The following TCTN2 variants were observed in gnomAD, a reference collection of about 807,000 sequenced individuals.
TCTN2 encodes tectonic family member 2, also known as tectonic-2.
TCTN2 carries 66 observed loss-of-function variants against 83.4 expected under a neutral mutation model. That is an observed-to-expected ratio of 0.79 (90% confidence interval 0.65 to 0.97). The LOEUF is 0.97. Ranked by LOEUF, TCTN2 falls within the 50% of genes least tolerant of loss-of-function variation. TCTN2 has a pLI of 0.00. For synonymous variants in TCTN2, 301 were observed against 326.7 expected (o/e 0.92, Z 0.85); for missense variants, 794 against 858.1 (o/e 0.93, Z 0.93).
chr12:123,671,702 C>T, intron 2 of TCTN2, 88 bp downstream of exon 2: 1 of 1,201,428 alleles, frequency 8.3e-7, no homozygotes, highest in Non-Finnish European at 1.2e-6. Flanking sequence ...TCCTTGGGGC[C>T]CCCTGCCTCT....
chr12:123,695,703 A>G (rs1956099433), intron 11 of TCTN2: 1 of 165,016 alleles, frequency 6.1e-6, no homozygotes. Flanking sequence ...TAGTAGAGAT[A>G]GGCTGTTGTT....
At chr12:123,702,156 C>CT (rs1593866125) in intron 14 of TCTN2, among the ~76,000 whole-genome samples, 1 of 152,254 alleles carries the variant, frequency 6.6e-6, no homozygotes, top group South Asian at 2.1e-4. Context: ...GAATGGAAAG[C>CT]TTTTTTTATT....
intron 14 of TCTN2, among the ~76,000 whole-genome samples, chr12:123,701,329 A>G (rs1282469586): frequency 6.6e-6 from 1 of 152,210 alleles, no homozygotes; most frequent in East Asian, 1.9e-4. Context: ...GAATCTGCTG[A>G]TAGTCACAGC....
At chr12:123,692,163 G>A (rs1477885422) in intron 8 of TCTN2, among the ~76,000 whole-genome samples, 3 of 151,836 alleles carry the variant, frequency 2.0e-5, no homozygotes, top group Admixed American at 2.0e-4. Context: ...CACCCACCTC[G>A]GCCTCCCAGA....
At chr12:123,675,780 CAG>C (rs1217743570) in intron 4 of TCTN2, among the ~76,000 whole-genome samples, 1 of 152,026 alleles carries the variant, frequency 6.6e-6, no homozygotes, top group East Asian at 1.9e-4. Context: ...AAAGGGCTGA[CAG>C]TGAGGAATTT....
chr12:123,679,538 A>G (rs1332746203), intron 5 of TCTN2, among the ~76,000 whole-genome samples: 2 of 150,204 alleles, frequency 1.3e-5, no homozygotes, highest in Non-Finnish European at 3.0e-5. Flanking sequence ...ATTGTTTTGT[A>G]TCTTTTGTAG....
intron 14 of TCTN2, among the ~76,000 whole-genome samples, chr12:123,703,529 C>T (rs1315715695): frequency 6.6e-6 from 1 of 152,132 alleles, no homozygotes; most frequent in East Asian, 1.9e-4. Flanking sequence ...TTTGTCCAGG[C>T]TGGAATGTAG....
rs1466893605 is a variant in TCTN2 at position 123,707,715 on chromosome 12, C to G, written c.*2C>G. The G allele has an allele frequency of 6.2e-7, 1 of 1,611,736 alleles. No homozygotes were observed. The highest frequency in any genetic ancestry group is 2.2e-5 in the East Asian group (1 of 44,862). ...AGAATATGCAAAGCCTATAGTTAGA[C>G]AACCACCTGGCTTTTATTTTTTTGA... On this transcript the variant is annotated 3_prime_UTR_variant, in exon 18 of 18. Coordinates refer to ENST00000303372, the MANE Select transcript of TCTN2 (RefSeq NM_024809.5).
Position 123,689,042 on chromosome 12 carries a change from CT to C in TCTN2, c.891+877del, listed in dbSNP as rs528114738. Among the ~76,000 whole-genome samples, 1,361 of 145,510 alleles carry C rather than the reference CT, an allele frequency of 9.4e-3. 14 individuals are homozygous for C. Among genetic ancestry groups the C allele is most frequent in the African/African-American group, 0.028 (1,111 of 39,988 alleles). ...AAGTGCTGGGATTACAGGCATGAGTCTTTTTTTTTTTTAAATTAAAAAAATT... is the reference window on the plus strand; with the variant it reads ...AAGTGCTGGGATTACAGGCATGAGTCTTTTTTTTTTTAAATTAAAAAAATT... On this transcript the variant is annotated intron_variant, in intron 7 of 17. Transcript: ENST00000303372.
At position 123,683,227 on chromosome 12, in the gene TCTN2, AAAT is replaced by A. The variant is rs1307075486; in HGVS notation, c.565-3596_565-3594del. 2.0e-5 allele frequency among the ~76,000 whole-genome samples: 3 copies of A among 152,004 alleles called. No individual in the cohort carries two copies. The East Asian group carries it at 5.8e-4, about 30-fold the overall frequency. On this transcript the variant is annotated intron_variant, in intron 5 of 17. Transcript: ENST00000303372. ...GACAGAGTGAGAGTCCATCTCAAAA[AAAT>A]AATAATAATAATTTTTGATTAACCT...
Position 123,692,656 on chromosome 12 carries a change from A to C in TCTN2, c.1034-2A>C, listed in dbSNP as rs1272951498. ...GGAAGTTAATTTATGTTATCTCTTT[A>C]GGCATAGTTACACCAAAAGTGATCT... On this transcript the variant is annotated splice_acceptor_variant, in intron 8 of 17. Coordinates refer to ENST00000303372, the MANE Select transcript of TCTN2 (RefSeq NM_024809.5). LOFTEE classifies it high-confidence loss of function. The C allele has an allele frequency of 6.2e-7, 1 of 1,609,922 alleles. No homozygotes were observed. Among genetic ancestry groups the C allele is most frequent in the East Asian group, 2.2e-5 (1 of 44,868 alleles).
chr12:123,699,482 A>G (rs989727029), intron 13 of TCTN2, among the ~76,000 whole-genome samples: 19 of 151,702 alleles, frequency 1.3e-4, no homozygotes, highest in African/African-American at 4.4e-4. Flanking sequence ...AGTCTAAAGT[A>G]AAAGATTGCT....
At chr12:123,684,268 GTT>G (rs926324736) in intron 5 of TCTN2, among the ~76,000 whole-genome samples, 7 of 151,678 alleles carry the variant, frequency 4.6e-5, no homozygotes, top group Admixed American at 6.6e-5. Flanking sequence ...TTGTTGTTTT[GTT>G]TTGTTTCCTT....
At chr12:123,675,366 G>T (rs1457875532) in intron 4 of TCTN2, among the ~76,000 whole-genome samples, 1 of 152,172 alleles carries the variant, frequency 6.6e-6, no homozygotes, top group Non-Finnish European at 1.5e-5. Flanking sequence ...CATGTCCCCT[G>T]TCTCCGGTGG....
At chr12:123,691,730 GT>G (rs1424272385) in intron 8 of TCTN2, among the ~76,000 whole-genome samples, 2 of 126,446 alleles carry the variant, frequency 1.6e-5, no homozygotes, top group East Asian at 2.0e-4. Context: ...TTTTTTTTTT[GT>G]TTTTTTGGTT....
intron 8 of TCTN2, among the ~76,000 whole-genome samples, chr12:123,691,969 A>G (rs147639128): frequency 0.033 from 4,908 of 150,694 alleles, 99 homozygotes; most frequent in Non-Finnish European, 0.051. Flanking sequence ...ATCTCGGCTC[A>G]CGGCAACCTC....
At position 123,695,157 on chromosome 12, in the gene TCTN2, G is replaced by A. The variant is rs913238965; in HGVS notation, c.1235-63G>A. 9 of 1,390,362 alleles carry A rather than the reference G, an allele frequency of 6.5e-6. No individual in the cohort carries two copies. In the African/African-American group the frequency reaches 1.2e-4, roughly 18 times the overall value. The allele number at this position is 1,390,362 out of a possible 1,614,324, so 86.1% of individuals were successfully genotyped here. A position where few individuals can be genotyped will look rare whatever the true frequency, so the allele number is the denominator to read the frequency against. On this transcript the variant is annotated intron_variant, in intron 10 of 17. Coordinates refer to ENST00000303372, the MANE Select transcript of TCTN2 (RefSeq NM_024809.5). ...AATGCAATTTTAAGGTAAACACTAT[G>A]GAGAATAATTTCTTTTCCTAGTGAA... is the stretch of plus-strand genomic sequence containing the variant.
chr12:123,685,037 G>A (rs571961294), intron 5 of TCTN2, among the ~76,000 whole-genome samples: 2 of 148,156 alleles, frequency 1.3e-5, no homozygotes, highest in South Asian at 2.1e-4. Context: ...GTGACAGAGC[G>A]AGACTCCATC....
intron 5 of TCTN2, among the ~76,000 whole-genome samples, chr12:123,684,679 C>T (rs575612653): frequency 4.6e-5 from 7 of 152,084 alleles, no homozygotes; most frequent in East Asian, 3.9e-4. Context: ...GGATTATAGG[C>T]GTGAGCCCCC....
Sources: gnomAD v4.1 joint callset for allele counts (sites outside exome capture counted in the v4.1 genomes callset) on GRCh38, gnomAD v4.1.1 for gene constraint, MANE v1.5 for transcripts, NCBI Gene and HGNC (gene_info 2026-07-23, HGNC 2026-07-21) for gene names.